The following ZDHHC17 variants were observed in gnomAD, a reference collection of about 807,000 sequenced individuals.
ZDHHC17 encodes palmitoyltransferase ZDHHC17.
A neutral mutation model predicts 90.3 loss-of-function variants in ZDHHC17; 40 were observed. The observed-to-expected ratio is 0.44, with a 90% CI of 0.34 to 0.58. The LOEUF is 0.58. ZDHHC17 is among the 20% of genes least tolerant of loss of function. The pLI is 0.01. For synonymous variants in ZDHHC17, 235 were observed against 252.4 expected (o/e 0.93, Z 0.65); for missense variants, 614 against 780.8 (o/e 0.79, Z 2.55).
intron 7 of ZDHHC17, chr12:76,820,979 A>T (rs1953157368): frequency 1.1e-6 from 1 of 872,344 alleles, no homozygotes; most frequent in Non-Finnish European, 1.6e-6. Flanking sequence ...AGCTGAATAA[A>T]AGAACTATAC....
chr12:76,765,408 C>A (rs918687217), intron 1 of ZDHHC17, among the ~76,000 whole-genome samples: 1 of 152,216 alleles, frequency 6.6e-6, no homozygotes, highest in African/African-American at 2.4e-5. Context: ...TTATCAAAAA[C>A]ACATGGGACA....
chr12:76,777,488 T>G (rs1185456148), intron 1 of ZDHHC17, among the ~76,000 whole-genome samples: 4 of 152,234 alleles, frequency 2.6e-5, no homozygotes, highest in African/African-American at 9.6e-5. Flanking sequence ...ATTAAACTGC[T>G]TTAAACATTT....
At chr12:76,847,748 C>T (rs1953512504) in intron 14 of ZDHHC17, among the ~76,000 whole-genome samples, 1 of 152,112 alleles carries the variant, frequency 6.6e-6, no homozygotes, top group African/African-American at 2.4e-5. Flanking sequence ...GTCCCAGCTA[C>T]TCAGGTGGCT....
intron 7 of ZDHHC17, among the ~76,000 whole-genome samples, chr12:76,818,763 G>A (rs1953121484): frequency 6.6e-6 from 1 of 152,194 alleles, no homozygotes; most frequent in Non-Finnish European, 1.5e-5. Flanking sequence ...GAGAAACACA[G>A]GTGCTGTATC....
chr12:76,772,747 A>G (rs1259229459), intron 1 of ZDHHC17, among the ~76,000 whole-genome samples: 2 of 142,208 alleles, frequency 1.4e-5, no homozygotes, highest in East Asian at 2.1e-4. Context: ...GGGTTTCACT[A>G]TGTTACCCAG....
intron 1 of ZDHHC17, among the ~76,000 whole-genome samples, chr12:76,786,536 A>C (rs1043492381): frequency 1.3e-5 from 2 of 152,120 alleles, no homozygotes; most frequent in African/African-American, 4.8e-5. Context: ...GATTACAGGC[A>C]TGAGTCACTG....
intron 10 of ZDHHC17, among the ~76,000 whole-genome samples, chr12:76,828,987 A>G (rs548310513): frequency 5.7e-4 from 87 of 152,204 alleles, no homozygotes; most frequent in Non-Finnish European, 9.1e-4. Flanking sequence ...GGACATCACT[A>G]ATCATCAGAG....
intron 13 of ZDHHC17, 93 bp from the exon 14 acceptor site, chr12:76,846,503 C>G (rs1199158451): frequency 1.2e-6 from 1 of 862,480 alleles, no homozygotes; most frequent in Non-Finnish European, 1.8e-6. Context: ...ATCATCAAAA[C>G]TGTAGCACAC....
chr12:76,831,581 A>T, intron 10 of ZDHHC17, among the ~76,000 whole-genome samples: 1 of 152,046 alleles, frequency 6.6e-6, no homozygotes, highest in Non-Finnish European at 1.5e-5. Flanking sequence ...TGAACTCCTG[A>T]CCTGGTGATC....
intron 10 of ZDHHC17, among the ~76,000 whole-genome samples, chr12:76,829,907 C>T (rs1350768153): frequency 6.6e-6 from 1 of 152,086 alleles, no homozygotes; most frequent in African/African-American, 2.4e-5. Context: ...TGGCTCACTG[C>T]AGCTTGAACT....
At chr12:76,818,541 G>A (rs192540532) in intron 7 of ZDHHC17, among the ~76,000 whole-genome samples, 2 of 152,324 alleles carry the variant, frequency 1.3e-5, no homozygotes, top group East Asian at 3.9e-4. Flanking sequence ...TCCAGTGAGA[G>A]TGATTTGGGA....
In ZDHHC17 at chr12:76,782,737, A is replaced by G. The variant is rs572579485; in HGVS notation, c.94-14697A>G. On this transcript the variant is annotated intron_variant, in intron 1 of 16. Transcript: ENST00000426126. Reference sequence around the variant, plus strand: ...TGGACAGTGACTGAAGTGATAAACAACAGATTTTATTCAGGAACTTTGCAA... The same window carrying G: ...TGGACAGTGACTGAAGTGATAAACAGCAGATTTTATTCAGGAACTTTGCAA... Among the ~76,000 whole-genome samples, 10 of 152,232 alleles carry G rather than the reference A, an allele frequency of 6.6e-5. No individual in the cohort carries two copies. The South Asian group carries it at 1.9e-3, about 28-fold the overall frequency.
chr12:76,817,190 T>C (rs1394085940), intron 7 of ZDHHC17, among the ~76,000 whole-genome samples: 2 of 152,088 alleles, frequency 1.3e-5, no homozygotes, highest in South Asian at 2.1e-4. Flanking sequence ...AATAGGATGC[T>C]CTTAAAAGTT....
intron 10 of ZDHHC17, among the ~76,000 whole-genome samples, chr12:76,834,546 C>T (rs1233060870): frequency 6.6e-6 from 1 of 152,122 alleles, no homozygotes; most frequent in African/African-American, 2.4e-5. Context: ...TTCTGTGTAT[C>T]TCTCCCAGTT....
chr12:76,819,521 T>C (rs11115568), intron 7 of ZDHHC17, among the ~76,000 whole-genome samples: 1,689 of 152,312 alleles, frequency 0.011, 11 homozygotes, highest in Non-Finnish European at 0.017. Context: ...CTTTGTGTTA[T>C]AATAATTCTA....
At chr12:76,849,340 A>AAAAAAC in intron 15 of ZDHHC17, 36 bp from the exon 16 acceptor site, 1 of 1,132,016 alleles carries the variant, frequency 8.8e-7, no homozygotes, top group Non-Finnish European at 1.2e-6. Flanking sequence ...AAAAAAAAAA[A>AAAAAAC]ACAAGAATAA....
intron 8 of ZDHHC17, among the ~76,000 whole-genome samples, chr12:76,825,339 T>G (rs1045566056): frequency 6.6e-6 from 1 of 152,222 alleles, no homozygotes; most frequent in Non-Finnish European, 1.5e-5. Context: ...AGGTGGTGGA[T>G]AGACTTCACT....
chr12:76,793,675 A>C (rs1952786559), intron 1 of ZDHHC17, among the ~76,000 whole-genome samples: 1 of 152,084 alleles, frequency 6.6e-6, no homozygotes, highest in Non-Finnish European at 1.5e-5. Context: ...TGTTAGGTGT[A>C]CCCTAGGTAG....
In ZDHHC17 at chr12:76,846,623, G is replaced by C; in HGVS notation, c.1451G>C (p.Gly484Ala). 1.2e-6 allele frequency: 2 copies of C among 1,612,350 alleles called. No homozygotes were observed. Among genetic ancestry groups the C allele is most frequent in the Non-Finnish European group, 1.7e-6 (2 of 1,179,044 alleles). Residue 484 changes from glycine to alanine, a missense_variant, in exon 14 of 17, where the codon GGC becomes GCC. By Grantham distance (60) the Gly-to-Ala change is moderately conservative. Around this residue, in one of 5 missense-constraint regions of ZDHHC17, gnomAD observed 111 missense variants for 179.8 expected, o/e 0.62. Transcript: ENST00000426126. Reference protein sequence around the residue: ...VGAGNHRYFMGYLFFLLFMIC... With the variant: ...VGAGNHRYFMAYLFFLLFMIC... ...GCAGGCAACCATAGATATTTTATGG[G>C]CTACCTATTCTTCTTGCTTTTTATG... is the stretch of plus-strand genomic sequence containing the variant.
Sources: gnomAD v4.1 joint callset for allele counts (sites outside exome capture counted in the v4.1 genomes callset) on GRCh38, gnomAD v4.1.1 for gene constraint, gnomAD v4.1.1 regional missense constraint, MANE v1.5 for transcripts, NCBI Gene and HGNC (gene_info 2026-07-23, HGNC 2026-07-21) for gene names.